MEGF11: variants seen among roughly 807,000 people sequenced by gnomAD.
The protein encoded by MEGF11 is multiple EGF like domains 11, also known as multiple epidermal growth factor-like domains protein 11.
Under a neutral mutation model 146.6 loss-of-function variants are expected in MEGF11, and 126 were observed. That is an observed-to-expected ratio of 0.86 (90% CI 0.74 to 1.00). MEGF11 has a LOEUF of 1.00. Among genes scored for constraint, MEGF11 ranks in the 50% least tolerant of loss-of-function variants. MEGF11 has a pLI of 0.00. For missense variants in MEGF11, 1,509 were observed against 1,521.2 expected, an observed-to-expected ratio of 0.99 and a Z score of 0.13; for synonymous variants, 532 against 583.4, an observed-to-expected ratio of 0.91 and a Z score of 1.27.
chr15:66,130,316 G>A (rs2088585606), intron 1 of MEGF11, among the ~76,000 whole-genome samples: 2 of 152,164 alleles, frequency 1.3e-5, no homozygotes, highest in African/African-American at 4.8e-5. Context: ...AGTTCCAGAA[G>A]GCATGGAGTC....
In MEGF11 at chr15:65,982,009, G is replaced by T. The variant is rs1007477041; in HGVS notation, c.641+233C>A. Among the ~76,000 whole-genome samples the T allele has an allele frequency of 1.3e-5, 2 of 152,164 alleles. No individual in the cohort carries two copies. The highest frequency in any genetic ancestry group is 2.4e-5 in the African/African-American group (1 of 41,426). ...AAGGAAGGAATCTGAGACCTGCGTG[G>T]GTGAGGCCTGGGCATTTAGACTCAC... On this transcript the variant is annotated intron_variant, in intron 6 of 25. Coordinates refer to ENST00000395614, the MANE Select transcript of MEGF11 (RefSeq NM_001385028.1). This position sits in a 1 kb window ranked among gnomAD's most constrained non-coding sequence, Gnocchi z 5.6.
chr15:66,203,125 C>T (rs1383648815), intron 1 of MEGF11, among the ~76,000 whole-genome samples: 1 of 152,174 alleles, frequency 6.6e-6, no homozygotes, highest in African/African-American at 2.4e-5. Context: ...CAACCCCCTG[C>T]CCCTGTGCCC....
Position 65,921,968 on chromosome 15 carries a change from C to G in MEGF11, c.1957+370G>C. On this transcript the variant is annotated intron_variant, in intron 15 of 25. Coordinates refer to ENST00000395614, the MANE Select transcript of MEGF11 (RefSeq NM_001385028.1). ...GCCAGAGCCAGCTCCTCTGCACTCC[C>G]ACAGCATTCTCTGCCTTTACCCTTG... 3 of 235,306 alleles carry G rather than the reference C, an allele frequency of 1.3e-5. No individual in the cohort carries two copies. The South Asian group carries it at 1.5e-4, about 12-fold the overall frequency. The allele number at this position is 235,306 out of a possible 1,614,324, so 14.6% of individuals were successfully genotyped here. A position where few individuals can be genotyped will look rare whatever the true frequency, so the allele number is the denominator to read the frequency against.
chr15:65,903,019 C>G (rs2078533000), intron 24 of MEGF11, among the ~76,000 whole-genome samples: 1 of 152,268 alleles, frequency 6.6e-6, no homozygotes, highest in African/African-American at 2.4e-5. Flanking sequence ...TCTTGGCTTG[C>G]TACTATTAAT....
intron 1 of MEGF11, among the ~76,000 whole-genome samples, chr15:66,188,362 T>C (rs967946549): frequency 2.0e-5 from 3 of 151,566 alleles, no homozygotes; most frequent in Non-Finnish European, 2.9e-5. Flanking sequence ...TAAAATTTTA[T>C]GAACACTTAT....
At chr15:66,236,963 C>T (rs1513933) in intron 1 of MEGF11, among the ~76,000 whole-genome samples, 69,359 of 151,978 alleles carry the variant, frequency 0.46, 16,714 homozygotes, top group East Asian at 0.68. Context: ...TCCGTGTGCC[C>T]GGCATGGGTC....
intron 5 of MEGF11, among the ~76,000 whole-genome samples, chr15:66,077,147 C>A (rs977997009): frequency 3.3e-5 from 5 of 152,196 alleles, no homozygotes; most frequent in African/African-American, 1.2e-4. Flanking sequence ...CTGCCCTGGC[C>A]CACCAGTCCA....
At chr15:66,184,057 A>T (rs752995727) in intron 1 of MEGF11, among the ~76,000 whole-genome samples, 2 of 152,190 alleles carry the variant, frequency 1.3e-5, no homozygotes, top group Non-Finnish European at 2.9e-5. Context: ...AAGGCAGATC[A>T]GTGGGTGCCT....
intron 1 of MEGF11, among the ~76,000 whole-genome samples, chr15:66,231,366 C>T (rs758069314): frequency 4.6e-5 from 7 of 151,462 alleles, no homozygotes; most frequent in Admixed American, 2.0e-4. Flanking sequence ...GGAGAGGGGA[C>T]GGTTATAGGG....
intron 1 of MEGF11, among the ~76,000 whole-genome samples, chr15:66,152,134 C>A (rs1471716425): frequency 6.6e-6 from 1 of 152,170 alleles, no homozygotes; most frequent in Non-Finnish European, 1.5e-5. Flanking sequence ...CTCAGCCCCT[C>A]ATGGGCACTG....
At chr15:66,127,671 C>A (rs1388185891) in intron 2 of MEGF11, among the ~76,000 whole-genome samples, 4 of 152,222 alleles carry the variant, frequency 2.6e-5, no homozygotes, top group African/African-American at 9.7e-5. Context: ...TTTCTGCTCA[C>A]CAAAGTCAAT....
intron 5 of MEGF11, among the ~76,000 whole-genome samples, chr15:66,044,648 C>T (rs895210912): frequency 1.3e-5 from 2 of 150,622 alleles, no homozygotes; most frequent in African/African-American, 4.9e-5. Context: ...TGAGACCAGC[C>T]TGGGCAAGGT....
chr15:66,113,620 C>T (rs1163562864), intron 4 of MEGF11, among the ~76,000 whole-genome samples: 2 of 152,144 alleles, frequency 1.3e-5, no homozygotes, highest in African/African-American at 4.8e-5. Context: ...AGTAAAGAAA[C>T]CCTTGGCTCA....
chr15:66,139,776 G>A (rs1373038926), intron 1 of MEGF11, among the ~76,000 whole-genome samples: 1 of 152,198 alleles, frequency 6.6e-6, no homozygotes, highest in Non-Finnish European at 1.5e-5. Context: ...AGCTTAACAT[G>A]TCAGCGTAGT....
At chr15:66,085,779 C>A (rs2086081910) in intron 5 of MEGF11, among the ~76,000 whole-genome samples, 1 of 152,178 alleles carries the variant, frequency 6.6e-6, no homozygotes, top group African/African-American at 2.4e-5. Context: ...TTCAACACCC[C>A]TAAAAAATCA....
chr15:65,922,343 T>C lies in MEGF11; in HGVS notation c.1952A>G (p.Asn651Ser). Residue 651 changes from asparagine (N) to serine (S), a missense_variant, in exon 15 of 26, where the codon AAC becomes AGC. Coordinates refer to ENST00000395614, the MANE Select transcript of MEGF11 (RefSeq NM_001385028.1). ...CLPGFSGALC[N>S]QVCAGGYFGQ... ...CTTCCCACTGGAGACAGTACCTTGG[T>C]TGCAGAGAGCTCCAGAGAATCCTGG... 1.2e-6 allele frequency: 2 copies of C among 1,607,844 alleles called. No individual in the cohort carries two copies. The highest frequency in any genetic ancestry group is 1.7e-6 in the Non-Finnish European group (2 of 1,177,320).
chr15:66,230,861 G>T (rs1325381266), intron 1 of MEGF11, among the ~76,000 whole-genome samples: 2 of 152,190 alleles, frequency 1.3e-5, no homozygotes, highest in Non-Finnish European at 2.9e-5. Flanking sequence ...TAAAGCAGAA[G>T]AAATGGAAAC....
intron 5 of MEGF11, among the ~76,000 whole-genome samples, chr15:66,014,474 T>C (rs1207752603): frequency 6.6e-6 from 1 of 152,186 alleles, no homozygotes; most frequent in Non-Finnish European, 1.5e-5. Flanking sequence ...ATTGTTCCTC[T>C]TCCAGGCACT....
At chr15:66,179,929 C>T (rs1042874119) in intron 1 of MEGF11, among the ~76,000 whole-genome samples, 4 of 151,720 alleles carry the variant, frequency 2.6e-5, no homozygotes, top group African/African-American at 9.7e-5. Context: ...CCTGTCCTCA[C>T]CATCAGAACC....
Sources: allele counts gnomAD v4.1 joint callset (sites outside exome capture counted in the v4.1 genomes callset), GRCh38; gene constraint gnomAD v4.1.1; non-coding constraint Gnocchi (gnomAD v3.1); transcripts MANE v1.5; gene names NCBI Gene and HGNC (gene_info 2026-07-23, HGNC 2026-07-21).